Variants in BRD10 observed in about 807,000 individuals in gnomAD.
BRD10 encodes the protein bromodomain containing 10.
chr9:5,978,279 T>C, the BRD10 span, among the ~76,000 whole-genome samples: 1 of 151,812 alleles, frequency 6.6e-6, no homozygotes, highest in Non-Finnish European at 1.5e-5. Context: ...AGTTTTAAAG[T>C]ATCCTAACTT....
At chr9:5,928,670 AG>A in the BRD10 span, among the ~76,000 whole-genome samples, 8 of 152,184 alleles carry the variant, frequency 5.3e-5, 1 homozygote, top group South Asian at 1.7e-3. Context: ...CATTTCTTTA[AG>A]GTCTCTGTTC....
the BRD10 span, among the ~76,000 whole-genome samples, chr9:5,998,328 A>C: frequency 6.6e-6 from 1 of 152,106 alleles, no homozygotes; most frequent in South Asian, 2.1e-4. Context: ...AACACTAATC[A>C]CTGGATTGCT....
chr9:5,993,463 G>A, the BRD10 span, among the ~76,000 whole-genome samples: 1 of 152,134 alleles, frequency 6.6e-6, no homozygotes, highest in African/African-American at 2.4e-5. Flanking sequence ...TTTATTTAAT[G>A]AAGGGACTAT....
the BRD10 span, among the ~76,000 whole-genome samples, chr9:5,937,473 T>C: frequency 2.0e-5 from 3 of 152,136 alleles, no homozygotes; most frequent in Admixed American, 1.3e-4. Context: ...AGGCAGAGGT[T>C]GCAGTGAGCC....
chr9:5,929,126 C>A, the BRD10 span: 1 of 1,603,074 alleles, frequency 6.2e-7, no homozygotes. Context: ...CTATGTAATT[C>A]TTTTACAGCT....
chr9:5,980,277 C>G, the BRD10 span, among the ~76,000 whole-genome samples: 1 of 152,092 alleles, frequency 6.6e-6, no homozygotes, highest in Non-Finnish European at 1.5e-5. Flanking sequence ...TACACCAGTT[C>G]CCCCAAGACT....
the BRD10 span, chr9:5,892,400 A>G: frequency 1.5e-6 from 2 of 1,350,884 alleles, no homozygotes; most frequent in African/African-American, 2.9e-5. Flanking sequence ...GAGATGATGA[A>G]TAGGGTGGCT....
At chr9:5,935,040 T>C in the BRD10 span, among the ~76,000 whole-genome samples, 2 of 152,106 alleles carry the variant, frequency 1.3e-5, no homozygotes, top group Admixed American at 1.3e-4. Context: ...GGGTAAAACA[T>C]CATGTTAATC....
the BRD10 span, among the ~76,000 whole-genome samples, chr9:5,901,049 C>T: frequency 2.0e-5 from 3 of 151,916 alleles, no homozygotes; most frequent in East Asian, 5.8e-4. Context: ...AAAATGTACA[C>T]CCAGTTTTAA....
the BRD10 span, among the ~76,000 whole-genome samples, chr9:5,880,460 G>A: frequency 8.3e-6 from 1 of 121,132 alleles, no homozygotes; most frequent in African/African-American, 2.7e-5. Flanking sequence ...GTTGCAGTGA[G>A]CTGAGATCCC....
chr9:5,992,369 T>C, the BRD10 span, among the ~76,000 whole-genome samples: 1 of 152,216 alleles, frequency 6.6e-6, no homozygotes, highest in Non-Finnish European at 1.5e-5. Context: ...ATTCCAGTCA[T>C]CTATATTGTC....
chr9:5,897,700 C>G, the BRD10 span: 1 of 1,429,308 alleles, frequency 7.0e-7, no homozygotes, highest in Non-Finnish European at 9.9e-7. Context: ...CCAGGGCCCT[C>G]TTTCCAGTTC....
the BRD10 span, chr9:5,906,892 G>T: frequency 6.3e-7 from 1 of 1,576,736 alleles, no homozygotes; most frequent in Non-Finnish European, 8.6e-7. Context: ...CAGGATAAAA[G>T]TCTTCATGTT....
chr9:5,888,000 G>A, the BRD10 span, among the ~76,000 whole-genome samples: 1 of 152,148 alleles, frequency 6.6e-6, no homozygotes, highest in African/African-American at 2.4e-5. Flanking sequence ...GGTTGGTACT[G>A]CCCTTACACA....
At chr9:5,978,292 C>T in the BRD10 span, among the ~76,000 whole-genome samples, 7 of 149,096 alleles carry the variant, frequency 4.7e-5, no homozygotes, top group African/African-American at 9.9e-5. Context: ...CCTAACTTTA[C>T]TATTATAGTT....
the BRD10 span, among the ~76,000 whole-genome samples, chr9:5,995,181 G>A: frequency 2.6e-5 from 4 of 152,138 alleles, no homozygotes; most frequent in Admixed American, 6.5e-5. Context: ...GATTAGAGGC[G>A]TGAGCCACCA....
At chr9:5,937,086 T>G in the BRD10 span, among the ~76,000 whole-genome samples, 48 of 151,476 alleles carry the variant, frequency 3.2e-4, 1 homozygote, top group African/African-American at 1.1e-3. Flanking sequence ...AAAAATATGC[T>G]GGGTGTGGTG....
the BRD10 span, among the ~76,000 whole-genome samples, chr9:5,902,574 A>G: frequency 6.6e-6 from 1 of 151,766 alleles, no homozygotes; most frequent in East Asian, 1.9e-4. Context: ...AAGCACTCCA[A>G]TCCTCCTGGC....
At chr9:5,921,701 A>C in the BRD10 span, 2 of 1,613,612 alleles carry the variant, frequency 1.2e-6, no homozygotes, top group East Asian at 4.5e-5. Flanking sequence ...AGTATGAATA[A>C]TATTTGCATT....
Sources: allele counts gnomAD v4.1 joint callset (sites outside exome capture counted in the v4.1 genomes callset), GRCh38; gene constraint gnomAD v4.1.1; transcripts MANE v1.5; gene names NCBI Gene and HGNC (gene_info 2026-07-23, HGNC 2026-07-21).